The following TMTC2 variants were observed in gnomAD, a reference collection of about 807,000 sequenced individuals.
The protein encoded by TMTC2 is transmembrane O-mannosyltransferase targeting cadherins 2.
TMTC2 carries 43 observed loss-of-function variants against 82.4 expected under a neutral mutation model. The observed-to-expected ratio is 0.52, with a 90% CI of 0.41 to 0.67. TMTC2 has a LOEUF of 0.67. Among genes scored for constraint, TMTC2 ranks in the 30% least tolerant of loss-of-function variants. The probability of loss-of-function intolerance (pLI) is 0.00; values close to 1 mark genes in which losing one functional copy is unlikely to be tolerated. For synonymous variants in TMTC2, 408 were observed against 381.9 expected (o/e 1.07, Z -0.80); for missense variants, 919 against 1,012.4 (o/e 0.91, Z 1.25).
At position 83,114,967 on chromosome 12, in the gene TMTC2, T is replaced by A. The variant is rs537127581; in HGVS notation, c.2332-17243T>A. 7.9e-5 allele frequency among the ~76,000 whole-genome samples: 12 copies of A among 151,914 alleles called. No homozygotes were observed. In the East Asian group the frequency reaches 1.9e-3, roughly 24 times the overall value. ...CAAAATGTCTAGGGGAAAAAATGAG[T>A]CTCTGCTTGTATCTTCCATGACAAT... On this transcript the variant is annotated intron_variant, in intron 11 of 11. Transcript: ENST00000321196.
intron 4 of TMTC2, among the ~76,000 whole-genome samples, chr12:82,933,306 A>G (rs770354677): frequency 1.8e-4 from 27 of 152,306 alleles, no homozygotes; most frequent in Non-Finnish European, 3.4e-4. Context: ...ATACACCAAG[A>G]TAGATCCTTT....
At chr12:82,864,218 A>G (rs943596756) in intron 2 of TMTC2, among the ~76,000 whole-genome samples, 3 of 152,082 alleles carry the variant, frequency 2.0e-5, no homozygotes, top group Non-Finnish European at 4.4e-5. Context: ...ATGTATAGTG[A>G]TATCGGGGCC....
intron 1 of TMTC2, among the ~76,000 whole-genome samples, chr12:82,707,344 C>T (rs760474438): frequency 6.6e-6 from 1 of 152,166 alleles, no homozygotes; most frequent in Non-Finnish European, 1.5e-5. Context: ...AGATGCCTCA[C>T]CTCCAAATAC....
chr12:83,002,419 T>A (rs1245000424), intron 8 of TMTC2, among the ~76,000 whole-genome samples: 2 of 152,190 alleles, frequency 1.3e-5, no homozygotes, highest in African/African-American at 4.8e-5. Context: ...GTTTCACTGA[T>A]AATTTGTATG....
At chr12:82,884,118 T>C (rs1260281715) in intron 2 of TMTC2, among the ~76,000 whole-genome samples, 1 of 152,162 alleles carries the variant, frequency 6.6e-6, no homozygotes, top group Non-Finnish European at 1.5e-5. Flanking sequence ...GTTCCACTAA[T>C]TGAACTCTTT....
At chr12:83,032,131 C>T (rs1263799981) in intron 9 of TMTC2, among the ~76,000 whole-genome samples, 1 of 151,678 alleles carries the variant, frequency 6.6e-6, no homozygotes, top group Non-Finnish European at 1.5e-5. Flanking sequence ...GGCTGCCTGT[C>T]ATTGCATGTT....
intron 3 of TMTC2, among the ~76,000 whole-genome samples, chr12:82,907,473 C>CAA (rs554890834): frequency 1.5e-5 from 2 of 131,798 alleles, no homozygotes; most frequent in Non-Finnish European, 3.3e-5. Flanking sequence ...AACTCCATCT[C>CAA]AAAAAAAAAA....
chr12:83,118,587 G>A (rs1482947255), intron 11 of TMTC2, among the ~76,000 whole-genome samples: 3 of 152,208 alleles, frequency 2.0e-5, no homozygotes, highest in East Asian at 3.9e-4. Flanking sequence ...ATTTTGTTAA[G>A]GATTTTAGCA....
chr12:82,846,125 G>A (rs915333499), intron 1 of TMTC2, among the ~76,000 whole-genome samples: 8 of 152,034 alleles, frequency 5.3e-5, no homozygotes, highest in Non-Finnish European at 1.0e-4. Flanking sequence ...TTGGGAGGCC[G>A]AGGCAGGCAG....
intron 3 of TMTC2, 69 bp downstream of exon 3, chr12:82,896,715 G>A: frequency 2.4e-6 from 3 of 1,265,458 alleles, no homozygotes; most frequent in Non-Finnish European, 3.3e-6. Flanking sequence ...TTTGCTTCTT[G>A]TCTTAAAACA....
chr12:83,029,387 A>G (rs908128302), intron 8 of TMTC2, among the ~76,000 whole-genome samples: 4 of 152,182 alleles, frequency 2.6e-5, no homozygotes, highest in African/African-American at 7.2e-5. Context: ...GCCCAAGACA[A>G]TTCTTCTTCC....
intron 1 of TMTC2, among the ~76,000 whole-genome samples, chr12:82,730,932 A>C (rs147405156): frequency 2.0e-5 from 3 of 152,250 alleles, no homozygotes; most frequent in Admixed American, 2.0e-4. Context: ...ATGTGTTTGC[A>C]CATGGAAAAC....
Position 82,957,563 on chromosome 12 carries a change from C to A in TMTC2, c.1599-7461C>A, listed in dbSNP as rs552895692. Among the ~76,000 whole-genome samples the A allele has an allele frequency of 2.0e-5, 3 of 151,844 alleles. No individual in the cohort carries two copies. In the South Asian group the frequency reaches 6.2e-4, roughly 32 times the overall value. On this transcript the variant is annotated intron_variant, in intron 4 of 11. Transcript: ENST00000321196. ...CTGAATGAATTTGAGACCCCAAAATCTAAAAGAATCAATGAACCCAAAAGT... is the reference window on the plus strand; with the variant it reads ...CTGAATGAATTTGAGACCCCAAAATATAAAAGAATCAATGAACCCAAAAGT...
In TMTC2 at chr12:82,965,550, T is replaced by C; in HGVS notation, c.1685-10T>C. On this transcript the variant is annotated splice_polypyrimidine_tract_variant and intron_variant, in intron 5 of 11. Transcript: ENST00000321196. ...CTTCTCACACTTTTGTTTCCACTTTTCCCCCTCAGCTGCATATTTAAATAC... is the reference window on the plus strand; with the variant it reads ...CTTCTCACACTTTTGTTTCCACTTTCCCCCCTCAGCTGCATATTTAAATAC... 1 of 1,613,246 alleles carries C rather than the reference T, an allele frequency of 6.2e-7. No homozygotes were observed. The highest frequency in any genetic ancestry group is 8.5e-7 in the Non-Finnish European group (1 of 1,179,390).
At chr12:82,804,927 ATAAAT>A (rs1310028251) in intron 1 of TMTC2, among the ~76,000 whole-genome samples, 49 of 152,204 alleles carry the variant, frequency 3.2e-4, no homozygotes, top group African/African-American at 1.1e-3. Flanking sequence ...GCACTTGAAC[ATAAAT>A]TTAATTTCCT....
At chr12:83,026,931 T>C (rs1280799074) in intron 8 of TMTC2, among the ~76,000 whole-genome samples, 2 of 152,134 alleles carry the variant, frequency 1.3e-5, no homozygotes, top group Admixed American at 1.3e-4. Context: ...TGATATAGAT[T>C]AGGCTAAACA....
At chr12:82,880,097 A>C (rs57366330) in intron 2 of TMTC2, among the ~76,000 whole-genome samples, 1,805 of 152,322 alleles carry the variant, frequency 0.012, 42 homozygotes, top group African/African-American at 0.041. Flanking sequence ...TTGAAGGAGC[A>C]AGACACATGG....
intron 1 of TMTC2, among the ~76,000 whole-genome samples, chr12:82,696,964 G>GTGTGTATATATATA (rs374532592): frequency 1.4e-5 from 2 of 141,514 alleles, no homozygotes; most frequent in African/African-American, 5.3e-5. Flanking sequence ...ACATACATAC[G>GTGTGTATATATATA]TATATATATA....
chr12:82,989,641 C>T (rs540244434), intron 8 of TMTC2, among the ~76,000 whole-genome samples: 6 of 151,630 alleles, frequency 4.0e-5, no homozygotes, highest in African/African-American at 1.4e-4. Flanking sequence ...TAGACCATGG[C>T]ACTCGATATA....
Sources: gnomAD v4.1 joint callset for allele counts (sites outside exome capture counted in the v4.1 genomes callset) on GRCh38, gnomAD v4.1.1 for gene constraint, MANE v1.5 for transcripts, NCBI Gene and HGNC (gene_info 2026-07-23, HGNC 2026-07-21) for gene names.